Variants in KANK2 observed in about 807,000 individuals in gnomAD.
The protein encoded by KANK2 is KN motif and ankyrin repeat domains 2.
In KANK2, 41 loss-of-function variants were observed where a neutral mutation model predicts 74.6. That is an observed-to-expected ratio of 0.55 (90% CI 0.43 to 0.71). The LOEUF is 0.71. Ranked by LOEUF, KANK2 falls within the 30% of genes least tolerant of loss-of-function variation. The pLI is 0.00. For synonymous variants in KANK2, 537 were observed against 519.0 expected (o/e 1.03, Z -0.47); for missense variants, 1,148 against 1,196.4 (o/e 0.96, Z 0.60).
intron 6 of KANK2, among the ~76,000 whole-genome samples, chr19:11,177,933 C>T (rs1673383773): frequency 6.6e-6 from 1 of 152,150 alleles, no homozygotes; most frequent in African/African-American, 2.4e-5. Flanking sequence ...TGTGTCTCCT[C>T]CTTCTGGGAC....
In KANK2 at chr19:11,192,819, G is replaced by A. The variant is rs1178518103; in HGVS notation, c.1249+12C>T. 2.5e-6 allele frequency: 4 copies of A among 1,600,638 alleles called. No individual in the cohort carries two copies. The highest frequency in any genetic ancestry group is 3.4e-6 in the Non-Finnish European group (4 of 1,174,158). On this transcript the variant is annotated intron_variant, in intron 4 of 12. Transcript: ENST00000586659. ...CCAAGCCATTCTCCCCTGCCTGCCT[G>A]CGACCGCTTACCTGCTGCTCCATCG...
chr19:11,174,973 T>G (rs2078292295), intron 8 of KANK2, among the ~76,000 whole-genome samples: 1 of 147,578 alleles, frequency 6.8e-6, no homozygotes, highest in African/African-American at 2.6e-5. Flanking sequence ...TTTTTTTTTT[T>G]GTGAGACAGA....
chr19:11,172,443 A>G (rs1052629685), intron 10 of KANK2, among the ~76,000 whole-genome samples: 1 of 152,062 alleles, frequency 6.6e-6, no homozygotes, highest in Non-Finnish European at 1.5e-5. Context: ...CACTGTCCTC[A>G]GTGGGTCCTG....
chr19:11,167,949 A>T (rs973366687), intron 12 of KANK2, among the ~76,000 whole-genome samples: 4 of 150,470 alleles, frequency 2.7e-5, no homozygotes, highest in African/African-American at 7.3e-5. Context: ...CTCAAATGTC[A>T]TCTCTTCTCT....
chr19:11,184,582 T>C (rs1474794736), intron 4 of KANK2, among the ~76,000 whole-genome samples: 2 of 149,812 alleles, frequency 1.3e-5, no homozygotes, highest in African/African-American at 4.9e-5. Context: ...GGCATAGTTC[T>C]AACACAAAAC....
At chr19:11,186,924 C>T (rs970020108) in intron 4 of KANK2, among the ~76,000 whole-genome samples, 8 of 151,962 alleles carry the variant, frequency 5.3e-5, no homozygotes, top group African/African-American at 1.7e-4. Context: ...TCGTGGTGGC[C>T]GGAAATTAGA....
intron 9 of KANK2, 108 bp from the exon 10 acceptor site, chr19:11,173,231 T>C (rs758208101): frequency 1.4e-4 from 168 of 1,189,340 alleles, no homozygotes; most frequent in Non-Finnish European, 1.9e-4. Flanking sequence ...CCCTAATCCC[T>C]CCCTTTTCTC....
At chr19:11,171,955 T>C (rs1463437244) in intron 10 of KANK2, among the ~76,000 whole-genome samples, 1 of 149,858 alleles carries the variant, frequency 6.7e-6, no homozygotes, top group African/African-American at 2.5e-5. Flanking sequence ...ATTACAGGCA[T>C]GAGCCACCGC....
intron 6 of KANK2, 80 bp downstream of exon 6, chr19:11,178,265 T>G: frequency 7.5e-6 from 8 of 1,071,486 alleles, no homozygotes; most frequent in South Asian, 2.0e-5. Context: ...CAGAATGAGG[T>G]AATTAGGAGG....
At chr19:11,179,317 C>CAA (rs34690548) in intron 4 of KANK2, among the ~76,000 whole-genome samples, 1,411 of 97,268 alleles carry the variant, frequency 0.015, 22 homozygotes, top group African/African-American at 0.05. Context: ...CCCTGCCTCT[C>CAA]AAAAAAAAAA....
intron 10 of KANK2, among the ~76,000 whole-genome samples, chr19:11,172,063 C>T (rs1301413527): frequency 1.3e-5 from 2 of 150,750 alleles, no homozygotes; most frequent in African/African-American, 4.9e-5. Flanking sequence ...GCAACTTCCA[C>T]CTCCCAGGTT....
intron 12 of KANK2, chr19:11,169,619 G>GT (rs2078114758): frequency 3.5e-6 from 2 of 574,234 alleles, no homozygotes; most frequent in Admixed American, 6.4e-5. Flanking sequence ...TGACCATCAT[G>GT]GTGAAACCCC....
chr19:11,196,614 TA>T (rs2079027373), intron 1 of KANK2: 2 of 151,926 alleles, frequency 1.3e-5, no homozygotes, highest in African/African-American at 4.8e-5. Context: ...GGTCTGAGGG[TA>T]CTCAGTCATC....
Position 11,188,755 on chromosome 19 carries a change from G to C in KANK2, c.1249+4076C>G, listed in dbSNP as rs145446845. On this transcript the variant is annotated intron_variant, in intron 4 of 12. Coordinates refer to ENST00000586659, the MANE Select transcript of KANK2 (RefSeq NM_001136191.3). ...TCCCAGCACTTTGGGAGGCCGAGGC[G>C]GGCAGACCACAAGGTTAGGAGTTCA... 5.9e-5 allele frequency among the ~76,000 whole-genome samples: 9 copies of C among 151,770 alleles called. 1 individual carries two copies. The South Asian group carries it at 1.7e-3, about 28-fold the overall frequency.
At chr19:11,172,030 C>T (rs60347352) in intron 10 of KANK2, among the ~76,000 whole-genome samples, 5,034 of 146,088 alleles carry the variant, frequency 0.034, 312 homozygotes, top group African/African-American at 0.12. Flanking sequence ...GGCTGGAGGA[C>T]AGTGGTGCGA....
At position 11,170,265 on chromosome 19, in the gene KANK2, A is replaced by G; in HGVS notation, c.2212-17T>C. ...CTGTCCTGCCTGGGGAGGGCAAGGA[A>G]CAGGATTATGGTTCATGCAGGCCCC... On this transcript the variant is annotated splice_polypyrimidine_tract_variant and intron_variant, in intron 10 of 12. Transcript: ENST00000586659. This position sits in a 1 kb window ranked among gnomAD's most constrained non-coding sequence, Gnocchi z 5.2. 6.2e-7 allele frequency: 1 copy of G among 1,606,790 alleles called. No individual in the cohort carries two copies. The highest frequency in any genetic ancestry group is 1.3e-5 in the African/African-American group (1 of 75,036).
At chr19:11,186,752 A>T (rs1303362881) in intron 4 of KANK2, among the ~76,000 whole-genome samples, 1 of 152,168 alleles carries the variant, frequency 6.6e-6, no homozygotes, top group Non-Finnish European at 1.5e-5. Flanking sequence ...GTTGGTGAGG[A>T]TATGAGAAAA....
At position 11,169,933 on chromosome 19, in the gene KANK2, C is replaced by T. The variant is rs747695284; in HGVS notation, c.2446G>A (p.Ala816Thr). The change falls in exon 12 of 13, where the codon GCA becomes ACA. Residue 816 changes from alanine to threonine, a missense_variant. Transcript: ENST00000586659. ...GSTALMVALD[A>T]GQSEIASMLY... The stretch of plus-strand genomic sequence containing the variant: ...ATGGACGCAATCTCACTCTGCCCTG[C>T]GTCCAAGGCCACCATCAGAGCTGTG... The T allele has an allele frequency of 3.8e-5, 62 of 1,614,080 alleles. 1 individual carries two copies. Among genetic ancestry groups the T allele is most frequent in the Non-Finnish European group, 4.7e-5 (56 of 1,180,040 alleles).
intron 9 of KANK2, 138 bp downstream of exon 9, chr19:11,174,335 C>T (rs2078267238): frequency 1.4e-6 from 1 of 702,908 alleles, no homozygotes; most frequent in African/African-American, 1.8e-5. Context: ...AGAGGTGTTC[C>T]CTCTATTATA....
Sources: gnomAD v4.1 joint callset for allele counts (sites outside exome capture counted in the v4.1 genomes callset) on GRCh38, gnomAD v4.1.1 for gene constraint, Gnocchi (gnomAD v3.1) non-coding constraint, MANE v1.5 for transcripts, NCBI Gene and HGNC (gene_info 2026-07-23, HGNC 2026-07-21) for gene names.